SLF1: variants seen among roughly 807,000 people sequenced by gnomAD.
SLF1 encodes the protein SMC5-SMC6 complex localization factor protein 1.
A neutral mutation model predicts 123.0 loss-of-function variants in SLF1; 105 were observed. The observed-to-expected ratio is 0.85, with a 90% CI of 0.73 to 1.00. The LOEUF (loss-of-function observed/expected upper bound fraction) is 1.00, where lower values mean the gene tolerates loss of function less well. Among genes scored for constraint, SLF1 ranks in the 50% least tolerant of loss-of-function variants. SLF1 has a pLI of 0.00. For missense variants in SLF1, 1,239 were observed against 1,223.0 expected, an observed-to-expected ratio of 1.01 and a Z score of -0.20; for synonymous variants, 434 against 406.6, an observed-to-expected ratio of 1.07 and a Z score of -0.81.
At chr5:94,627,689 T>TG in intron 1 of SLF1, among the ~76,000 whole-genome samples, 1 of 148,276 alleles carries the variant, frequency 6.7e-6, no homozygotes, top group East Asian at 2.0e-4. Context: ...TACTAAATGC[T>TG]GTGAGACCAT....
intron 6 of SLF1, among the ~76,000 whole-genome samples, chr5:94,650,651 A>C (rs1488643908): frequency 6.6e-6 from 1 of 152,218 alleles, no homozygotes; most frequent in Non-Finnish European, 1.5e-5. Context: ...TAGTTCCTTA[A>C]GAAATTGTAT....
rs1488992575 is a variant in SLF1 at position 94,649,446 on chromosome 5, A to C, written c.595-8A>C. ...ATGATTGCCTAAACCATTTTTACAT[A>C]CATACAGAAAGAAATTCAGAATGAT... On this transcript the variant is annotated splice_region_variant and splice_polypyrimidine_tract_variant and intron_variant, in intron 5 of 20. Coordinates refer to ENST00000265140, the MANE Select transcript of SLF1 (RefSeq NM_032290.4). The C allele has an allele frequency of 6.7e-7, 1 of 1,488,032 alleles. No individual in the cohort carries two copies. Among genetic ancestry groups the C allele is most frequent in the East Asian group, 2.5e-5 (1 of 39,740 alleles). The allele number at this position is 1,488,032 out of a possible 1,614,324, so 92.2% of individuals were successfully genotyped here.
intron 17 of SLF1, 23 bp downstream of exon 17, chr5:94,688,692 C>A: frequency 1.2e-6 from 2 of 1,612,142 alleles, no homozygotes; most frequent in Non-Finnish European, 1.7e-6. Context: ...GATATCCCAG[C>A]TGTGCTTTGT....
chr5:94,679,583 C>A (rs963805893), intron 15 of SLF1, among the ~76,000 whole-genome samples: 2 of 151,918 alleles, frequency 1.3e-5, no homozygotes, highest in African/African-American at 4.8e-5. Flanking sequence ...CAGAGCAAGA[C>A]CCTGTCTCTT....
chr5:94,652,848 A>T (rs971117447), intron 7 of SLF1, among the ~76,000 whole-genome samples: 3 of 151,948 alleles, frequency 2.0e-5, no homozygotes, highest in African/African-American at 7.2e-5. Flanking sequence ...TGTTGTACGT[A>T]CTTCTTTATT....
At chr5:94,691,796 C>T (rs1481345682) in intron 19 of SLF1, 140 bp downstream of exon 19, 2 of 723,100 alleles carry the variant, frequency 2.8e-6, no homozygotes, top group African/African-American at 3.7e-5. Context: ...CTTAGCAAAG[C>T]CAAGAAATTT....
At position 94,628,900 on chromosome 5, in the gene SLF1, A is replaced by T. The variant is rs745463124; in HGVS notation, c.90A>T (p.Leu30=). ...KEALVKLLLK[L]DCTFIKSEKY... ...CGCTAGTCAAATTACTTTTAAAACT[A>T]GATTGCACTTTTATTAAGAGTGAGG... Residue 30 remains leucine (L), a synonymous_variant, in exon 2 of 21, where the codon CTA becomes CTT. Transcript: ENST00000265140. 1.7e-5 allele frequency: 26 copies of T among 1,547,748 alleles called. No homozygotes were observed. In the Admixed American group the frequency reaches 5.0e-4, roughly 30 times the overall value.
chr5:94,675,021 A>T (rs1384381507), intron 14 of SLF1, among the ~76,000 whole-genome samples: 1 of 152,220 alleles, frequency 6.6e-6, no homozygotes, highest in Non-Finnish European at 1.5e-5. Flanking sequence ...ACACTTTCTC[A>T]TGTTTCAAAT....
At chr5:94,670,069 T>G in intron 12 of SLF1, 82 bp from the exon 13 acceptor site, 2 of 1,337,882 alleles carry the variant, frequency 1.5e-6, no homozygotes, top group Non-Finnish European at 2.0e-6. Flanking sequence ...TCCAGCAGTA[T>G]TCTAGAAGGA....
At chr5:94,658,794 C>G in intron 9 of SLF1, among the ~76,000 whole-genome samples, 1 of 149,558 alleles carries the variant, frequency 6.7e-6, no homozygotes, top group East Asian at 2.0e-4. Context: ...TTTATGCCTT[C>G]CCATATGTCA....
intron 1 of SLF1, among the ~76,000 whole-genome samples, chr5:94,623,261 A>G (rs747944644): frequency 6.6e-6 from 1 of 152,142 alleles, no homozygotes; most frequent in Non-Finnish European, 1.5e-5. Flanking sequence ...CCACAGAGAC[A>G]GTTGCTTGCT....
At chr5:94,676,997 C>T (rs187229563) in intron 14 of SLF1, among the ~76,000 whole-genome samples, 147 of 152,164 alleles carry the variant, frequency 9.7e-4, no homozygotes, top group African/African-American at 3.3e-3. Flanking sequence ...CTCACTAATC[C>T]CATATTAGGC....
chr5:94,669,255 A>G lies in SLF1; in HGVS notation c.1533-896A>G, dbSNP rs138866821. Among the ~76,000 whole-genome samples, 31 of 152,276 alleles carry G rather than the reference A, an allele frequency of 2.0e-4. 1 individual carries two copies. In the East Asian group the frequency reaches 5.8e-3, roughly 28 times the overall value. Reference sequence around the variant, plus strand: ...AAGACTGATTAACTATGTGGGCATGAAGGATCTTATAGATAGATTGAATAT... The same window carrying G: ...AAGACTGATTAACTATGTGGGCATGGAGGATCTTATAGATAGATTGAATAT... On this transcript the variant is annotated intron_variant, in intron 12 of 20. Transcript: ENST00000265140.
At chr5:94,639,842 G>C (rs1746246715) in intron 4 of SLF1, among the ~76,000 whole-genome samples, 1 of 152,166 alleles carries the variant, frequency 6.6e-6, no homozygotes, top group African/African-American at 2.4e-5. Flanking sequence ...GGGTAGCAGA[G>C]GCAAAAGAGG....
chr5:94,658,203 C>T (rs1748656744), intron 9 of SLF1, among the ~76,000 whole-genome samples: 1 of 134,954 alleles, frequency 7.4e-6, no homozygotes, highest in Non-Finnish European at 1.6e-5. Context: ...GCTCTTTTCT[C>T]ATTTGTATTT....
rs79031813 is a variant in SLF1, at chr5:94,686,412, T to G, written c.1976-161T>G. Among the ~76,000 whole-genome samples the G allele has an allele frequency of 3.9e-4, 60 of 152,322 alleles. 1 individual carries two copies. The East Asian group carries it at 0.011, about 29-fold the overall frequency. On this transcript the variant is annotated intron_variant, in intron 15 of 20. Transcript: ENST00000265140. ...ATATTTTCTCTTAAAAGTCAAGGAA[T>G]AGTGATATGACCTATTTTTTGTGGA...
At chr5:94,660,282 G>T (rs896857763) in intron 9 of SLF1, among the ~76,000 whole-genome samples, 2 of 152,202 alleles carry the variant, frequency 1.3e-5, no homozygotes, top group Non-Finnish European at 2.9e-5. Context: ...GCCCCTGACG[G>T]TGGGCGTGGC....
chr5:94,648,618 A>AT (rs1747330694), intron 5 of SLF1, among the ~76,000 whole-genome samples: 1 of 152,208 alleles, frequency 6.6e-6, no homozygotes, highest in Admixed American at 6.5e-5. Flanking sequence ...AGTAGCTGAG[A>AT]TTACAGGCAT....
chr5:94,621,385 G>A (rs1385729968), intron 1 of SLF1, among the ~76,000 whole-genome samples: 2 of 152,110 alleles, frequency 1.3e-5, no homozygotes, highest in East Asian at 1.9e-4. Flanking sequence ...AAAATAAATA[G>A]CACTTATGTT....
Sources: gnomAD v4.1 joint callset for allele counts (sites outside exome capture counted in the v4.1 genomes callset) on GRCh38, gnomAD v4.1.1 for gene constraint, MANE v1.5 for transcripts, NCBI Gene and HGNC (gene_info 2026-07-23, HGNC 2026-07-21) for gene names.